Variants in PPP3CA observed in about 807,000 individuals in gnomAD.
The protein encoded by PPP3CA is CAM-PRP catalytic subunit.
PPP3CA carries 14 observed loss-of-function variants against 66.5 expected under a neutral mutation model. That is an observed-to-expected ratio of 0.21 (90% CI 0.14 to 0.33). The LOEUF (loss-of-function observed/expected upper bound fraction) is 0.33. Ranked by LOEUF, PPP3CA falls within the 10% of genes least tolerant of loss-of-function variation. The pLI is 1.00. For missense variants in PPP3CA, 317 were observed against 639.5 expected (o/e 0.50, Z 5.44); for synonymous variants, 232 against 226.2 (o/e 1.03, Z -0.23).
At chr4:101,082,235 G>A (rs894116011) in intron 7 of PPP3CA, among the ~76,000 whole-genome samples, 3 of 152,314 alleles carry the variant, frequency 2.0e-5, no homozygotes, top group African/African-American at 7.2e-5. Flanking sequence ...AAAACAGTGA[G>A]TATATAACAC....
rs1578652553 is a variant in PPP3CA at position 101,308,756 on chromosome 4, A to C, written c.58+37983T>G. Among the ~76,000 whole-genome samples, 3 of 152,190 alleles carry C rather than the reference A, an allele frequency of 2.0e-5. No homozygotes were observed. The East Asian group carries it at 5.8e-4, about 29-fold the overall frequency. On this transcript the variant is annotated intron_variant, in intron 1 of 13. Coordinates refer to ENST00000394854, the MANE Select transcript of PPP3CA (RefSeq NM_000944.5). ...TTATTTTTAATAAAGTGTTAGCCAA[A>C]ATTCATTTATTTTGTAGTCACAAAA...
At chr4:101,316,261 T>C (rs761778621) in intron 1 of PPP3CA, among the ~76,000 whole-genome samples, 5 of 150,980 alleles carry the variant, frequency 3.3e-5, no homozygotes, top group Admixed American at 6.7e-5. Context: ...CCACAGGAAT[T>C]TGCATATATT....
chr4:101,248,366 A>T (rs1448046111), intron 1 of PPP3CA, among the ~76,000 whole-genome samples: 1 of 152,194 alleles, frequency 6.6e-6, no homozygotes. Flanking sequence ...AATGCATGCA[A>T]TACATAACTG....
At chr4:101,166,802 T>G (rs997661572) in intron 2 of PPP3CA, among the ~76,000 whole-genome samples, 2 of 152,210 alleles carry the variant, frequency 1.3e-5, no homozygotes, top group Non-Finnish European at 2.9e-5. Flanking sequence ...ACCACTTACA[T>G]TGTATATTTC....
intron 1 of PPP3CA, among the ~76,000 whole-genome samples, chr4:101,333,270 GTTTTTTTTTTTTTTTTTTTTTTTTTT>G (rs70961788): frequency 4.2e-5 from 2 of 47,242 alleles, no homozygotes; most frequent in African/African-American, 6.4e-5. Context: ...ACCATGCCCA[GTTTTTTTTTTTTTTTTTTTTTTTTTT>G]TTTTTTTTTT....
chr4:101,113,463 G>A (rs565350818), intron 2 of PPP3CA, among the ~76,000 whole-genome samples: 2 of 152,236 alleles, frequency 1.3e-5, no homozygotes, highest in Non-Finnish European at 2.9e-5. Flanking sequence ...CTAGGTTGCT[G>A]TGAGATTAGG....
chr4:101,160,876 A>G (rs2695217), intron 2 of PPP3CA, among the ~76,000 whole-genome samples: 78,138 of 151,842 alleles, frequency 0.51, 21,785 homozygotes, highest in African/African-American at 0.71. Flanking sequence ...ATCTGCTAAT[A>G]TCAAGACAAA....
intron 1 of PPP3CA, chr4:101,250,195 TTAAA>T (rs1282435532): frequency 1.7e-5 from 4 of 229,168 alleles, no homozygotes; most frequent in African/African-American, 7.0e-5. Flanking sequence ...GAACTGTCAC[TTAAA>T]TAAGTTAAGC....
At chr4:101,294,359 C>T (rs1182900625) in intron 1 of PPP3CA, among the ~76,000 whole-genome samples, 1 of 152,158 alleles carries the variant, frequency 6.6e-6, no homozygotes, top group Non-Finnish European at 1.5e-5. Flanking sequence ...CACATCAACC[C>T]AATTAGGAAC....
chr4:101,153,339 A>G (rs1211895425), intron 2 of PPP3CA, among the ~76,000 whole-genome samples: 1 of 152,238 alleles, frequency 6.6e-6, no homozygotes, highest in Non-Finnish European at 1.5e-5. Flanking sequence ...ATCCCTTAAC[A>G]ATAGAACTTG....
intron 1 of PPP3CA, among the ~76,000 whole-genome samples, chr4:101,327,435 A>G (rs1422949555): frequency 4.6e-5 from 7 of 152,016 alleles, no homozygotes; most frequent in African/African-American, 1.7e-4. Context: ...AAGAGCTCTC[A>G]TAATCTTCTA....
chr4:101,117,552 C>T (rs1333042960), intron 2 of PPP3CA, among the ~76,000 whole-genome samples: 1 of 150,954 alleles, frequency 6.6e-6, no homozygotes, highest in Admixed American at 6.6e-5. Flanking sequence ...CATTTTAGCA[C>T]CAAATAATAT....
intron 10 of PPP3CA, among the ~76,000 whole-genome samples, chr4:101,059,972 G>T (rs1728391085): frequency 6.6e-6 from 1 of 151,996 alleles, no homozygotes. Flanking sequence ...ACGGAAAAAT[G>T]ACAAGGAAAA....
At chr4:101,241,759 T>C (rs1726317840) in intron 1 of PPP3CA, among the ~76,000 whole-genome samples, 1 of 152,104 alleles carries the variant, frequency 6.6e-6, no homozygotes, top group African/African-American at 2.4e-5. Context: ...GGCTAGATAA[T>C]ATACCAAAAA....
chr4:101,131,429 A>T (rs1240184466), intron 2 of PPP3CA, among the ~76,000 whole-genome samples: 1 of 151,442 alleles, frequency 6.6e-6, no homozygotes, highest in African/African-American at 2.4e-5. Flanking sequence ...AAGAAAAAAA[A>T]AAAAAAGCAG....
intron 2 of PPP3CA, among the ~76,000 whole-genome samples, chr4:101,158,500 C>T (rs1339463684): frequency 6.6e-6 from 1 of 152,130 alleles, no homozygotes; most frequent in African/African-American, 2.4e-5. Flanking sequence ...GTTAAGGGGG[C>T]TCTCCTTTCA....
intron 1 of PPP3CA, among the ~76,000 whole-genome samples, chr4:101,334,176 C>T (rs1729551353): frequency 6.6e-6 from 1 of 151,872 alleles, no homozygotes; most frequent in Admixed American, 6.6e-5. Context: ...CTCTTGTCGC[C>T]CAGGCTTGAG....
intron 10 of PPP3CA, among the ~76,000 whole-genome samples, chr4:101,052,747 C>A (rs546761175): frequency 6.6e-6 from 1 of 152,066 alleles, no homozygotes; most frequent in South Asian, 2.1e-4. Context: ...AACTGGTAAA[C>A]GGATGTCCAC....
chr4:101,161,220 C>G (rs1723496739), intron 2 of PPP3CA, among the ~76,000 whole-genome samples: 1 of 152,164 alleles, frequency 6.6e-6, no homozygotes, highest in Admixed American at 6.5e-5. Context: ...GCTATATCAT[C>G]TAGGTTTGTG....
Sources: allele counts gnomAD v4.1 joint callset (sites outside exome capture counted in the v4.1 genomes callset), GRCh38; gene constraint gnomAD v4.1.1; transcripts MANE v1.5; gene names NCBI Gene and HGNC (gene_info 2026-07-23, HGNC 2026-07-21).